Variants in EPHA7 observed in about 807,000 individuals in gnomAD.
The protein encoded by EPHA7 is EPH receptor A7.
A neutral mutation model predicts 112.6 loss-of-function variants in EPHA7; 25 were observed. That is an observed-to-expected ratio of 0.22 (90% confidence interval 0.16 to 0.31). The LOEUF is 0.31. EPHA7 is among the 10% of genes least tolerant of loss of function. EPHA7 has a pLI of 1.00. For synonymous variants in EPHA7, 437 were observed against 406.5 expected, an observed-to-expected ratio of 1.07 and a Z score of -0.90; for missense variants, 962 against 1,212.6, an observed-to-expected ratio of 0.79 and a Z score of 3.07.
At chr6:93,296,170 C>A (rs969350180) in intron 5 of EPHA7, among the ~76,000 whole-genome samples, 1 of 151,100 alleles carries the variant, frequency 6.6e-6, no homozygotes, top group Non-Finnish European at 1.5e-5. Flanking sequence ...CTCAGAGGAA[C>A]ATTTGTTTCA....
rs1426377223 is a variant in EPHA7 at position 93,419,149 on chromosome 6, G to C, written c.97+96C>G. On this transcript the variant is annotated intron_variant, in intron 1 of 16. Transcript: ENST00000369303. ...CGGCGGGGGAGGGTCGCCCGGCGCC[G>C]GAGGCGCGGCCGGCAGCGCCGCGGA... 1.6e-5 allele frequency: 16 copies of C among 1,014,258 alleles called. No individual in the cohort carries two copies. In the East Asian group the frequency reaches 2.4e-4, roughly 15 times the overall value. 62.8% of individuals were successfully genotyped at this position (1,014,258 alleles called of 1,614,324 possible).
chr6:93,265,870 GT>G (rs1236138592), intron 7 of EPHA7, among the ~76,000 whole-genome samples: 1 of 151,536 alleles, frequency 6.6e-6, no homozygotes, highest in South Asian at 2.1e-4. Flanking sequence ...GAAGTATAAA[GT>G]TTTTTTCAGA....
intron 5 of EPHA7, among the ~76,000 whole-genome samples, chr6:93,350,894 C>T (rs1019375219): frequency 1.3e-5 from 2 of 151,952 alleles, no homozygotes; most frequent in African/African-American, 4.8e-5. Flanking sequence ...GATTCTTTTC[C>T]TAAAAATAAA....
chr6:93,374,676 G>A (rs1776964944), intron 3 of EPHA7, among the ~76,000 whole-genome samples: 1 of 152,162 alleles, frequency 6.6e-6, no homozygotes, highest in Non-Finnish European at 1.5e-5. Context: ...CAGACTGCTG[G>A]CTATGGAGCC....
chr6:93,359,866 GAGAGAGAGAGAT>G (rs1318324762), intron 3 of EPHA7, among the ~76,000 whole-genome samples: 38 of 123,066 alleles, frequency 3.1e-4, no homozygotes, highest in Non-Finnish European at 5.6e-4. Context: ...GAGAGAGAGA[GAGAGAGAGAGAT>G]AGATAGATAG....
chr6:93,255,184 A>C (rs1770381129), intron 13 of EPHA7, among the ~76,000 whole-genome samples: 1 of 103,832 alleles, frequency 9.6e-6, no homozygotes, highest in Non-Finnish European at 2.1e-5. Context: ...TCTCTACTAA[A>C]AATACAAAAA....
chr6:93,309,380 C>T (rs1773416698), intron 5 of EPHA7, among the ~76,000 whole-genome samples: 1 of 151,956 alleles, frequency 6.6e-6, no homozygotes, highest in Non-Finnish European at 1.5e-5. Flanking sequence ...TATATTTTAC[C>T]ATATGAAATG....
intron 3 of EPHA7, among the ~76,000 whole-genome samples, chr6:93,408,761 G>T (rs1262207792): frequency 6.6e-6 from 1 of 151,998 alleles, no homozygotes; most frequent in Non-Finnish European, 1.5e-5. Flanking sequence ...ACAGAAAAAG[G>T]TATTTGCTCA....
intron 1 of EPHA7, among the ~76,000 whole-genome samples, chr6:93,416,139 AAC>A (rs1321851587): frequency 6.6e-6 from 1 of 152,188 alleles, no homozygotes. Context: ...TCAAATGAGA[AAC>A]ACACCCACAA....
At chr6:93,254,505 T>A (rs1230343607) in intron 14 of EPHA7, 142 bp downstream of exon 14, 1 of 491,364 alleles carries the variant, frequency 2.0e-6, no homozygotes, top group Non-Finnish European at 3.4e-6. Context: ...TAATTTATGG[T>A]AATTAGTGTG....
At chr6:93,370,280 T>C (rs779348031) in intron 3 of EPHA7, among the ~76,000 whole-genome samples, 1 of 152,072 alleles carries the variant, frequency 6.6e-6, no homozygotes, top group Non-Finnish European at 1.5e-5. Flanking sequence ...AGAATAATAG[T>C]TTTTTCCTGC....
At chr6:93,259,119 A>G (rs919639626) in intron 10 of EPHA7, among the ~76,000 whole-genome samples, 2 of 152,012 alleles carry the variant, frequency 1.3e-5, no homozygotes, top group African/African-American at 2.4e-5. Flanking sequence ...TAGTAGAACA[A>G]TATCTTAAAA....
At chr6:93,265,337 T>C (rs1770880566) in intron 7 of EPHA7, among the ~76,000 whole-genome samples, 1 of 151,690 alleles carries the variant, frequency 6.6e-6, no homozygotes, top group Admixed American at 6.6e-5. Context: ...AAGCAAACTT[T>C]CTGCAAGTGC....
chr6:93,269,686 T>C, intron 6 of EPHA7, 26 bp from the exon 7 acceptor site: 1 of 1,474,140 alleles, frequency 6.8e-7, no homozygotes, highest in Non-Finnish European at 9.0e-7. Flanking sequence ...AGAGGAAATA[T>C]TTAATTGTGA....
chr6:93,356,439 G>A (rs935801878), intron 5 of EPHA7, among the ~76,000 whole-genome samples: 1 of 152,066 alleles, frequency 6.6e-6, no homozygotes, highest in South Asian at 2.1e-4. Context: ...TGCTGACCTT[G>A]TGATCTGCCC....
chr6:93,382,387 T>C (rs1312706003), intron 3 of EPHA7, among the ~76,000 whole-genome samples: 1 of 152,150 alleles, frequency 6.6e-6, no homozygotes, highest in African/African-American at 2.4e-5. Flanking sequence ...GTAATGCTGA[T>C]GATGATCTGA....
At chr6:93,376,825 G>T (rs984143593) in intron 3 of EPHA7, among the ~76,000 whole-genome samples, 9 of 152,038 alleles carry the variant, frequency 5.9e-5, no homozygotes, top group African/African-American at 1.9e-4. Context: ...TAAATTAATT[G>T]TCTTTCTTTT....
intron 3 of EPHA7, among the ~76,000 whole-genome samples, chr6:93,377,852 G>A (rs941827201): frequency 6.6e-6 from 1 of 151,996 alleles, no homozygotes; most frequent in Admixed American, 6.6e-5. Flanking sequence ...ATTTGTTTCA[G>A]TCATTCGCTA....
At chr6:93,347,440 G>A (rs1582565721) in intron 5 of EPHA7, among the ~76,000 whole-genome samples, 1 of 151,486 alleles carries the variant, frequency 6.6e-6, no homozygotes, top group Non-Finnish European at 1.5e-5. Flanking sequence ...TTTTGGAGGG[G>A]AAAAATCATA....
Sources: gnomAD v4.1 joint callset for allele counts (sites outside exome capture counted in the v4.1 genomes callset) on GRCh38, gnomAD v4.1.1 for gene constraint, MANE v1.5 for transcripts, NCBI Gene and HGNC (gene_info 2026-07-23, HGNC 2026-07-21) for gene names.